MYH6: variants seen among roughly 807,000 people sequenced by gnomAD.
MYH6 encodes myosin heavy chain 6, also known as myosin-6.
Under a neutral mutation model 223.2 loss-of-function variants are expected in MYH6, and 126 were observed. That is an observed-to-expected ratio of 0.56 (90% CI 0.49 to 0.65). The LOEUF is 0.65. Ranked by LOEUF, MYH6 falls within the 30% of genes least tolerant of loss-of-function variation. MYH6 has a pLI of 0.00. For missense variants in MYH6, 2,040 were observed against 2,536.4 expected, an observed-to-expected ratio of 0.80 and a Z score of 4.20; for synonymous variants, 978 against 1,010.2, an observed-to-expected ratio of 0.97 and a Z score of 0.61.
rs752785030 is a variant in MYH6 at position 23,388,247 on chromosome 14, G to T, written c.4267C>A (p.Leu1423Ile). The T allele has an allele frequency of 2.5e-6, 4 of 1,612,856 alleles. No individual in the cohort carries two copies. In the Admixed American group the frequency reaches 6.7e-5, roughly 27 times the overall value. The change falls in exon 30 of 39, where the codon CTA (leucine) becomes ATA (isoleucine). Residue 1423 changes from leucine (L) to isoleucine (I), a missense_variant. Leu to Ile is a conservative substitution (Grantham distance 5, BLOSUM62 2). Transcript: ENST00000405093. ...ATCAAGTCCTCTATCTCATTCTGTA[G>T]CCGGTGCTTGGTCTTCTCCAGTGAG... ...CSSLEKTKHR[L>I]QNEIEDLMVD...
In MYH6 at chr14:23,397,932, C is replaced by T. The variant is rs75873547; in HGVS notation, c.1892-319G>A. On this transcript the variant is annotated intron_variant, in intron 15 of 38. Coordinates refer to ENST00000405093, the MANE Select transcript of MYH6 (RefSeq NM_002471.4). Reference sequence around the variant, plus strand: ...AGTTCTCCTCCTCCTCCTCCTCCTCCTCTTCTTCTTCTTCTTCTTCTTCTT... The same window carrying T: ...AGTTCTCCTCCTCCTCCTCCTCCTCTTCTTCTTCTTCTTCTTCTTCTTCTT... Among the ~76,000 whole-genome samples the T allele has an allele frequency of 6.4e-3, 576 of 90,112 alleles. 9 individuals are homozygous for T. The highest frequency in any genetic ancestry group is 0.017 in the African/African-American group (399 of 23,218). 59.1% of individuals were successfully genotyped at this position (90,112 alleles called of 152,430 possible). A position where few individuals can be genotyped will look rare whatever the true frequency, so the allele number is the denominator to read the frequency against.
At chr14:23,385,165 A>G (rs1247802392) in intron 34 of MYH6, 124 bp from the exon 35 acceptor site, 4 of 1,209,634 alleles carry the variant, frequency 3.3e-6, no homozygotes, top group Non-Finnish European at 4.8e-6. Flanking sequence ...CCACTTTTAG[A>G]CTATTGATCG....
chr14:23,391,178 C>T (rs563614749), intron 25 of MYH6, among the ~76,000 whole-genome samples: 10 of 152,282 alleles, frequency 6.6e-5, no homozygotes, highest in Admixed American at 1.3e-4. Flanking sequence ...GTCTGGCTAG[C>T]CAGGAGCAAA....
chr14:23,384,775 C>G (rs984252129), intron 35 of MYH6, 58 bp from the exon 36 acceptor site: 8 of 1,613,780 alleles, frequency 5.0e-6, no homozygotes, highest in Middle Eastern at 3.4e-4. Context: ...CCTTTTGCCC[C>G]CCAAGGATCT....
intron 29 of MYH6, chr14:23,388,567 C>T: frequency 2.3e-6 from 2 of 866,752 alleles, no homozygotes; most frequent in Non-Finnish European, 4.0e-6. Context: ...CCCTCACCCC[C>T]CACACAGGCT....
Position 23,407,090 on chromosome 14 carries a change from T to C in MYH6, c.134A>G (p.Glu45Gly). The C allele has an allele frequency of 1.2e-6, 2 of 1,614,224 alleles. No individual in the cohort carries two copies. The highest frequency in any genetic ancestry group is 1.7e-6 in the Non-Finnish European group (2 of 1,180,038). Residue 45 changes from glutamate (E) to glycine (G), a missense_variant, in exon 3 of 39, where the codon GAG (glutamate) becomes GGG (glycine). By Grantham distance (98) the Glu-to-Gly change is moderately conservative. Around this residue, in one of 4 missense-constraint regions of MYH6, gnomAD observed 184 missense variants for 232.4 expected, o/e 0.79. Coordinates refer to ENST00000405093, the MANE Select transcript of MYH6 (RefSeq NM_002471.4). The surrounding 1 kb of genome is among the most constrained non-coding windows in gnomAD (Gnocchi z 5.6). ...TECFVPDDKE[E>G]FVKAKILSRE... ...GGACAAAATCTTGGCTTTGACAAACTCTTCCTTGTCATCGGGCACGAAGCA... is the reference window on the plus strand; with the variant it reads ...GGACAAAATCTTGGCTTTGACAAACCCTTCCTTGTCATCGGGCACGAAGCA...
chr14:23,402,571 T>A lies in MYH6; in HGVS notation c.1034A>T (p.Glu345Val), dbSNP rs561344265. Residue 345 changes from glutamate to valine, a missense_variant, in exon 12 of 39, where the codon GAG (glutamate) becomes GTG (valine). By Grantham distance (121) the Glu-to-Val change is moderately radical. Around this residue, in one of 4 missense-constraint regions of MYH6, gnomAD observed 649 missense variants for 877.3 expected, o/e 0.74. Coordinates refer to ENST00000405093, the MANE Select transcript of MYH6 (RefSeq NM_002471.4). ...SAFDVLGFTS[E>V]EKAGVYKLTG... is the part of the protein sequence containing the mutation. ...CAGCTTGTAGACGCCAGCTTTCTCCTCTGAAGTGAAGCCCAGCACGTCAAA... is the reference window on the plus strand; with the variant it reads ...CAGCTTGTAGACGCCAGCTTTCTCCACTGAAGTGAAGCCCAGCACGTCAAA... 2 of 1,613,522 alleles carry A rather than the reference T, an allele frequency of 1.2e-6. No homozygotes were observed. The highest frequency in any genetic ancestry group is 2.2e-5 in the East Asian group (1 of 44,770).
Position 23,389,531 on chromosome 14 carries a change from C to T in MYH6, c.3860-20G>A, listed in dbSNP as rs1380172640. 3 of 1,614,094 alleles carry T rather than the reference C, an allele frequency of 1.9e-6. No homozygotes were observed. Among genetic ancestry groups the T allele is most frequent in the African/African-American group, 2.7e-5 (2 of 74,932 alleles). On this transcript the variant is annotated intron_variant, in intron 27 of 38. Transcript: ENST00000405093. ...ACTCTCCTGGAGGTGAAATGAGGGGCTTGTGGGCCATTTCACAAGTCATGT... is the reference window on the plus strand; with the variant it reads ...ACTCTCCTGGAGGTGAAATGAGGGGTTTGTGGGCCATTTCACAAGTCATGT...
At chr14:23,393,105 T>C (rs1414881898) in intron 23 of MYH6, 48 bp from the exon 24 acceptor site, 1 of 1,611,502 alleles carries the variant, frequency 6.2e-7, no homozygotes. Flanking sequence ...ATGAAATCCA[T>C]AGTGTATGCT....
At chr14:23,382,400 A>G in intron 38 of MYH6, 28 bp downstream of exon 38, 1 of 1,613,722 alleles carries the variant, frequency 6.2e-7, no homozygotes, top group Non-Finnish European at 8.5e-7. Flanking sequence ...TGTGGAAGTG[A>G]CTAGTGAAGC....
chr14:23,402,865 G>C (rs1364568532), intron 10 of MYH6, 65 bp from the exon 11 acceptor site: 5 of 687,494 alleles, frequency 7.3e-6, no homozygotes, highest in South Asian at 1.4e-5. Flanking sequence ...GGGGCAGGTA[G>C]AGTTGGGAAA....
intron 15 of MYH6, among the ~76,000 whole-genome samples, chr14:23,397,992 T>TTCTTCTTCC: frequency 6.9e-6 from 1 of 144,490 alleles, no homozygotes; most frequent in African/African-American, 2.6e-5. Context: ...CTTCTTCTTC[T>TTCTTCTTCC]TCTTCTTCTT....
chr14:23,385,527 C>T (rs1291452255), intron 34 of MYH6, among the ~76,000 whole-genome samples: 17 of 151,180 alleles, frequency 1.1e-4, no homozygotes, highest in African/African-American at 2.4e-5. Context: ...CAGAGTATAA[C>T]TGAAAACAGT....
chr14:23,397,716 G>C (rs28730775), intron 15 of MYH6, 103 bp from the exon 16 acceptor site: 19,665 of 1,187,698 alleles, frequency 0.017, 642 homozygotes, highest in African/African-American at 0.12. Flanking sequence ...GAGACTTTGG[G>C]CAAGGAATTC....
At chr14:23,386,284 TCCC>T in intron 33 of MYH6, 28 bp downstream of exon 33, 10 of 1,613,992 alleles carry the variant, frequency 6.2e-6, no homozygotes, top group Non-Finnish European at 8.5e-6. Flanking sequence ...TGGAGGCCAG[TCCC>T]CTGAGGGGAC....
chr14:23,393,325 T>C lies in MYH6; in HGVS notation c.3105+17A>G, dbSNP rs201296501. 8 of 1,614,110 alleles carry C rather than the reference T, an allele frequency of 5.0e-6. No individual in the cohort carries two copies. In the East Asian group the frequency reaches 1.6e-4, roughly 31 times the overall value. Reference sequence around the variant, plus strand: ...AAATCTTGCTCTGAGAGCAGGAGCATGGTTCTTACTACTCACATCATCCAC... The same window carrying C: ...AAATCTTGCTCTGAGAGCAGGAGCACGGTTCTTACTACTCACATCATCCAC... On this transcript the variant is annotated intron_variant, in intron 23 of 38. Transcript: ENST00000405093.
chr14:23,390,550 G>T (rs1891209564), intron 25 of MYH6, 104 bp from the exon 26 acceptor site: 1 of 1,538,600 alleles, frequency 6.5e-7, no homozygotes, highest in African/African-American at 1.4e-5. Context: ...TCAAGCAGTG[G>T]TTCTCAACTA....
intron 9 of MYH6, 61 bp downstream of exon 9, chr14:23,403,654 C>G: frequency 1.3e-6 from 2 of 1,492,784 alleles, no homozygotes; most frequent in East Asian, 2.3e-5. Context: ...GACTGGCCGC[C>G]AGGCAGGGAG....
At position 23,403,776 on chromosome 14, in the gene MYH6, C is replaced by T. The variant is rs1891687243; in HGVS notation, c.738G>A (p.Gly246=). The change falls in exon 9 of 39, where the codon GGG becomes GGA. Residue 246 remains glycine, a splice_region_variant and synonymous_variant. Transcript: ENST00000405093. ...TVRNDNSSRF[G]KFIRIHFGAT... is the part of the protein sequence containing the mutation. Reference sequence around the variant, plus strand: ...CCCCAAAGTGGATCCTAATGAATTTCCCCTGGGGACGAATGGGACAGAGTG... The same window carrying T: ...CCCCAAAGTGGATCCTAATGAATTTTCCCTGGGGACGAATGGGACAGAGTG... 3 of 1,610,252 alleles carry T rather than the reference C, an allele frequency of 1.9e-6. No individual in the cohort carries two copies. The African/African-American group carries it at 4.0e-5, about 21-fold the overall frequency.
Sources: gnomAD v4.1 joint callset for allele counts (sites outside exome capture counted in the v4.1 genomes callset) on GRCh38, gnomAD v4.1.1 for gene constraint, gnomAD v4.1.1 regional missense constraint, Gnocchi (gnomAD v3.1) non-coding constraint, MANE v1.5 for transcripts, NCBI Gene and HGNC (gene_info 2026-07-23, HGNC 2026-07-21) for gene names.